CCDC63: variants seen among roughly 807,000 people sequenced by gnomAD.
The protein encoded by CCDC63 is coiled-coil domain containing 63.
In CCDC63, 54 loss-of-function variants were observed where a neutral mutation model predicts 63.6. That is an observed-to-expected ratio of 0.85 (90% CI 0.68 to 1.07). The LOEUF is 1.07. Among genes scored for constraint, CCDC63 ranks in the 50% least tolerant of loss-of-function variants. The pLI, the probability that CCDC63 is intolerant of heterozygous loss-of-function variation, is 0.00. For synonymous variants in CCDC63, 253 were observed against 266.1 expected (o/e 0.95, Z 0.48); for missense variants, 637 against 689.6 (o/e 0.92, Z 0.86).
intron 9 of CCDC63, among the ~76,000 whole-genome samples, chr12:110,893,568 C>T (rs1004539570): frequency 2.0e-5 from 3 of 152,248 alleles, no homozygotes; most frequent in Non-Finnish European, 2.9e-5. Flanking sequence ...TTACCATGTA[C>T]GAGGCGCCGG....
rs1273612827 is a variant in CCDC63 at position 110,852,914 on chromosome 12, GGTACA to G, written c.-38_-34del. ...AGGCTCACTGGCTTTGAGCTCTCTG[GGTACA>G]GTGTCTGAGTGGAGGCAAAGTGCGG... On this transcript the variant is annotated 5_prime_UTR_variant, in exon 2 of 12. Transcript: ENST00000308208. 1 of 1,613,958 alleles carries G rather than the reference GGTACA, an allele frequency of 6.2e-7. No individual in the cohort carries two copies. The highest frequency in any genetic ancestry group is 1.7e-5 in the Admixed American group (1 of 59,988).
chr12:110,874,038 C>T, intron 5 of CCDC63, 77 bp downstream of exon 5: 3 of 1,526,452 alleles, frequency 2.0e-6, no homozygotes, highest in Non-Finnish European at 2.7e-6. Flanking sequence ...GTCTGCCCAG[C>T]CATTAGCAGA....
intron 8 of CCDC63, among the ~76,000 whole-genome samples, chr12:110,888,524 A>G (rs1478863079): frequency 6.6e-6 from 1 of 152,216 alleles, no homozygotes; most frequent in Non-Finnish European, 1.5e-5. Flanking sequence ...GCTCTTTGTT[A>G]AGGTTACAGA....
chr12:110,868,637 T>G (rs1367177166), intron 4 of CCDC63, among the ~76,000 whole-genome samples: 4 of 150,348 alleles, frequency 2.7e-5, no homozygotes, highest in South Asian at 2.1e-4. Flanking sequence ...AGGAGAATCA[T>G]GCAGGGAGGT....
intron 4 of CCDC63, among the ~76,000 whole-genome samples, chr12:110,865,706 C>T (rs1351344834): frequency 6.6e-6 from 1 of 152,100 alleles, no homozygotes; most frequent in Non-Finnish European, 1.5e-5. Flanking sequence ...GGTCTTGTGC[C>T]CAGCTAAAAT....
chr12:110,888,016 GA>G (rs907886151), intron 8 of CCDC63, among the ~76,000 whole-genome samples: 7 of 152,142 alleles, frequency 4.6e-5, no homozygotes, highest in African/African-American at 1.7e-4. Flanking sequence ...GTTTCCCTTG[GA>G]AAATCAGATC....
At chr12:110,904,500 C>A in intron 10 of CCDC63, 88 bp from the exon 11 acceptor site, 1 of 1,144,944 alleles carries the variant, frequency 8.7e-7, no homozygotes, top group Non-Finnish European at 1.3e-6. Context: ...CCTGCTCCTC[C>A]CCGCCCTCTG....
At chr12:110,859,664 T>C (rs886758947) in intron 4 of CCDC63, among the ~76,000 whole-genome samples, 1 of 150,122 alleles carries the variant, frequency 6.7e-6, no homozygotes, top group African/African-American at 2.5e-5. Context: ...TTTCTGATTA[T>C]GGTAACAAAA....
rs762248232 is a variant in CCDC63, at chr12:110,853,565, C to T, written c.170C>T (p.Ala57Val). Residue 57 changes from alanine (A) to valine (V), a missense_variant, in exon 3 of 12, where the codon GCG becomes GTG. Ala to Val is a moderately conservative substitution (Grantham distance 64). Coordinates refer to ENST00000308208, the MANE Select transcript of CCDC63 (RefSeq NM_152591.3). Reference protein sequence around the residue: ...SFKFRNQQKIASQYKEIKTLK... With the variant: ...SFKFRNQQKIVSQYKEIKTLK... ...AAGTTCCGAAACCAGCAGAAGATTG[C>T]GAGTCAGTAGTAAGTGATGGTTGGA... 14 of 1,614,004 alleles carry T rather than the reference C, an allele frequency of 8.7e-6. No individual in the cohort carries two copies. The highest frequency in any genetic ancestry group is 1.6e-4 in the Middle Eastern group (1 of 6,084).
At chr12:110,852,684 C>G (rs2136640629) in intron 1 of CCDC63, among the ~76,000 whole-genome samples, 175 bp from the exon 2 acceptor site, 1 of 152,278 alleles carries the variant, frequency 6.6e-6, no homozygotes, top group Non-Finnish European at 1.5e-5. Flanking sequence ...GCAAACATTG[C>G]TTTAAAACAA....
chr12:110,905,940 A>T (rs1430247503), intron 11 of CCDC63, among the ~76,000 whole-genome samples: 1 of 43,004 alleles, frequency 2.3e-5, no homozygotes, highest in Non-Finnish European at 3.6e-5. Context: ...ATTATATAAA[A>T]TATATATTAT....
chr12:110,906,009 A>T (rs1176224961), intron 11 of CCDC63, among the ~76,000 whole-genome samples: 1 of 49,210 alleles, frequency 2.0e-5, no homozygotes, highest in Non-Finnish European at 3.8e-5. Flanking sequence ...TATATTATAT[A>T]ATATAATATA....
intron 6 of CCDC63, among the ~76,000 whole-genome samples, chr12:110,880,299 T>C (rs1163031052): frequency 6.6e-6 from 1 of 152,188 alleles, no homozygotes. Context: ...CCCTAGGAAT[T>C]ATTATCCCCA....
At chr12:110,867,778 G>C (rs1412776989) in intron 4 of CCDC63, among the ~76,000 whole-genome samples, 1 of 145,250 alleles carries the variant, frequency 6.9e-6, no homozygotes, top group Non-Finnish European at 1.5e-5. Flanking sequence ...CCTCCCGGAC[G>C]GGGTGGCTGG....
At chr12:110,872,275 A>G (rs2071077363) in intron 4 of CCDC63, among the ~76,000 whole-genome samples, 1 of 152,234 alleles carries the variant, frequency 6.6e-6, no homozygotes. Context: ...CTGGATTTCA[A>G]TAAAACTTTA....
At chr12:110,900,792 G>T (rs2071476290) in intron 10 of CCDC63, among the ~76,000 whole-genome samples, 1 of 152,104 alleles carries the variant, frequency 6.6e-6, no homozygotes, top group Non-Finnish European at 1.5e-5. Flanking sequence ...TAGAGATGGG[G>T]TTTCACCATG....
chr12:110,865,668 C>G (rs1229055667), intron 4 of CCDC63, among the ~76,000 whole-genome samples: 2 of 152,122 alleles, frequency 1.3e-5, no homozygotes, highest in African/African-American at 4.8e-5. Context: ...TTTTTCTTCT[C>G]TAACAGATTT....
At chr12:110,872,446 C>T (rs562031335) in intron 4 of CCDC63, among the ~76,000 whole-genome samples, 3 of 152,196 alleles carry the variant, frequency 2.0e-5, no homozygotes, top group Non-Finnish European at 4.4e-5. Flanking sequence ...ACTCGAAGAA[C>T]ATGATTCAGG....
intron 5 of CCDC63, among the ~76,000 whole-genome samples, chr12:110,875,948 A>C (rs1306007002): frequency 6.6e-6 from 1 of 151,942 alleles, no homozygotes; most frequent in Non-Finnish European, 1.5e-5. Flanking sequence ...AAAAAAATAA[A>C]AATAAAAATT....
Sources: gnomAD v4.1 joint callset for allele counts (sites outside exome capture counted in the v4.1 genomes callset) on GRCh38, gnomAD v4.1.1 for gene constraint, MANE v1.5 for transcripts, NCBI Gene and HGNC (gene_info 2026-07-23, HGNC 2026-07-21) for gene names.